KHDRBS2: variants seen among roughly 807,000 people sequenced by gnomAD.
KHDRBS2 encodes KH RNA binding domain containing, signal transduction associated 2.
KHDRBS2 carries 26 observed loss-of-function variants against 44.3 expected under a neutral mutation model. That is an observed-to-expected ratio of 0.59 (90% confidence interval 0.43 to 0.81). The LOEUF is 0.81. Ranked by LOEUF, KHDRBS2 falls within the 40% of genes least tolerant of loss-of-function variation. The pLI is 0.00. For missense variants in KHDRBS2, 476 were observed against 433.1 expected (o/e 1.10, Z -0.88); for synonymous variants, 194 against 151.1 (o/e 1.28, Z -2.08).
chr6:62,231,258 A>G (rs1227109492), intron 1 of KHDRBS2, among the ~76,000 whole-genome samples: 4 of 152,206 alleles, frequency 2.6e-5, no homozygotes, highest in Non-Finnish European at 5.9e-5. Flanking sequence ...AATAGAAAGA[A>G]GAGGTTTAAT....
the KHDRBS2 span, among the ~76,000 whole-genome samples, chr6:61,597,646 A>G: frequency 4.0e-5 from 6 of 148,544 alleles, no homozygotes; most frequent in Non-Finnish European, 7.5e-5. Context: ...AATGGGGGAC[A>G]GAAGTAAATG....
chr6:61,563,197 C>T, the KHDRBS2 span, among the ~76,000 whole-genome samples: 28 of 152,032 alleles, frequency 1.8e-4, no homozygotes, highest in Admixed American at 5.9e-4. Context: ...AGGTTTGGTC[C>T]GAAATTGCTC....
At chr6:62,031,907 G>C (rs1254300211) in intron 3 of KHDRBS2, among the ~76,000 whole-genome samples, 1 of 151,980 alleles carries the variant, frequency 6.6e-6, no homozygotes, top group Non-Finnish European at 1.5e-5. Flanking sequence ...GCCAAAAAGT[G>C]GTTATAGAAG....
Position 62,059,409 on chromosome 6 carries a change from T to C in KHDRBS2, c.220-11415A>G, listed in dbSNP as rs538020904. ...TTGGTGTAAGCTCGATAAATGATAA[T>C]GGGAACATGAAGCAGAATGATGACA... On this transcript the variant is annotated intron_variant, in intron 2 of 8. Coordinates refer to ENST00000281156, the MANE Select transcript of KHDRBS2 (RefSeq NM_152688.4). 2.0e-5 allele frequency among the ~76,000 whole-genome samples: 3 copies of C among 150,770 alleles called. No homozygotes were observed. The South Asian group carries it at 6.3e-4, about 32-fold the overall frequency.
intron 4 of KHDRBS2, among the ~76,000 whole-genome samples, chr6:61,959,052 T>A (rs1333570042): frequency 6.6e-6 from 1 of 152,160 alleles, no homozygotes; most frequent in Non-Finnish European, 1.5e-5. Context: ...TCTTCAAATG[T>A]TTTTGTGTTT....
chr6:61,773,471 C>T (rs1297902860), intron 6 of KHDRBS2, among the ~76,000 whole-genome samples: 7 of 151,960 alleles, frequency 4.6e-5, no homozygotes, highest in Non-Finnish European at 1.0e-4. Context: ...TATCCTTTGC[C>T]CACTTTTTGA....
At chr6:61,966,346 A>AATTTAGC (rs3076246) in intron 4 of KHDRBS2, among the ~76,000 whole-genome samples, 1,527 of 152,142 alleles carry the variant, frequency 0.01, 26 homozygotes, top group African/African-American at 0.035. Flanking sequence ...ATATGAAATA[A>AATTTAGC]ATTTAGCATT....
chr6:62,003,292 GTAAAA>G (rs199839595), intron 3 of KHDRBS2, among the ~76,000 whole-genome samples: 67 of 151,646 alleles, frequency 4.4e-4, no homozygotes, highest in African/African-American at 1.3e-3. Context: ...AAAAAGTAAA[GTAAAA>G]TAAAATAAAA....
At chr6:61,588,079 T>C in the KHDRBS2 span, among the ~76,000 whole-genome samples, 3 of 152,336 alleles carry the variant, frequency 2.0e-5, no homozygotes, top group African/African-American at 7.2e-5. Flanking sequence ...CACCCTACCA[T>C]CATCAAACTA....
intron 6 of KHDRBS2, among the ~76,000 whole-genome samples, chr6:61,765,141 A>G (rs898185732): frequency 6.6e-6 from 1 of 152,110 alleles, no homozygotes; most frequent in Admixed American, 6.6e-5. Context: ...ACTTAAAGGG[A>G]ATTTAGAAGT....
chr6:61,912,706 C>A (rs1186455477), intron 4 of KHDRBS2, among the ~76,000 whole-genome samples: 1 of 152,180 alleles, frequency 6.6e-6, no homozygotes, highest in Non-Finnish European at 1.5e-5. Flanking sequence ...TCTGCAAGAG[C>A]ACTACAGTCA....
chr6:61,839,653 C>T lies in KHDRBS2; in HGVS notation c.810+54982G>A, dbSNP rs139315128. On this transcript the variant is annotated intron_variant, in intron 6 of 8. Coordinates refer to ENST00000281156, the MANE Select transcript of KHDRBS2 (RefSeq NM_152688.4). ...GCAATGATTTGGGGGATAATATCAT[C>T]AGCAAAAAAAGATACAAAGTGAAGA... is the stretch of plus-strand genomic sequence containing the variant. Among the ~76,000 whole-genome samples, 708 of 151,962 alleles carry T rather than the reference C, an allele frequency of 4.7e-3. 10 individuals are homozygous for T. Among genetic ancestry groups the T allele is most frequent in the African/African-American group, 0.016 (667 of 41,470 alleles).
chr6:61,673,425 G>A, the KHDRBS2 span, among the ~76,000 whole-genome samples: 6 of 151,524 alleles, frequency 4.0e-5, no homozygotes, highest in African/African-American at 9.7e-5. Context: ...TCTGGCCAGG[G>A]CAATTAGGCA....
intron 2 of KHDRBS2, among the ~76,000 whole-genome samples, chr6:62,161,820 G>A (rs2150112503): frequency 6.6e-6 from 1 of 151,792 alleles, no homozygotes; most frequent in East Asian, 1.9e-4. Flanking sequence ...TGACTGCCAT[G>A]GGCATTACAT....
chr6:62,026,015 A>C (rs1278985455), intron 3 of KHDRBS2, among the ~76,000 whole-genome samples: 2 of 152,038 alleles, frequency 1.3e-5, no homozygotes, highest in Non-Finnish European at 2.9e-5. Flanking sequence ...ATTTAAATGG[A>C]TTATTATTAG....
At chr6:61,727,169 A>T (rs990543063) in intron 7 of KHDRBS2, among the ~76,000 whole-genome samples, 1 of 152,160 alleles carries the variant, frequency 6.6e-6, no homozygotes, top group African/African-American at 2.4e-5. Flanking sequence ...TGACAAAAAC[A>T]AGCAATGGGG....
At chr6:61,546,190 ATAT>A in the KHDRBS2 span, among the ~76,000 whole-genome samples, 1 of 152,128 alleles carries the variant, frequency 6.6e-6, no homozygotes, top group African/African-American at 2.4e-5. Context: ...AAGTATATCA[ATAT>A]TAAGATATCT....
At chr6:61,798,634 T>C (rs1477764582) in intron 6 of KHDRBS2, among the ~76,000 whole-genome samples, 1 of 152,038 alleles carries the variant, frequency 6.6e-6, no homozygotes, top group Non-Finnish European at 1.5e-5. Context: ...ACCACAATCA[T>C]CATAAATGCA....
At chr6:61,995,720 G>A (rs1777047303) in intron 3 of KHDRBS2, among the ~76,000 whole-genome samples, 2 of 151,952 alleles carry the variant, frequency 1.3e-5, no homozygotes, top group Non-Finnish European at 2.9e-5. Flanking sequence ...AGTGGGGAAG[G>A]ATATTGAAGA....
Sources: gnomAD v4.1 joint callset for allele counts (sites outside exome capture counted in the v4.1 genomes callset) on GRCh38, gnomAD v4.1.1 for gene constraint, MANE v1.5 for transcripts, NCBI Gene and HGNC (gene_info 2026-07-23, HGNC 2026-07-21) for gene names.